EHBP1: variants seen among roughly 807,000 people sequenced by gnomAD.
EHBP1 encodes EH domain-binding protein 1.
EHBP1 carries 55 observed loss-of-function variants against 144.0 expected under a neutral mutation model. The ratio of observed to expected loss-of-function variants is 0.38; its 90% CI spans 0.31 to 0.48. The LOEUF (loss-of-function observed/expected upper bound fraction) is 0.48, where lower values mean the gene tolerates loss of function less well. EHBP1 is among the 20% of genes least tolerant of loss of function. The pLI is 0.98. For missense variants in EHBP1, 1,200 were observed against 1,364.2 expected, an observed-to-expected ratio of 0.88 and a Z score of 1.90; for synonymous variants, 469 against 472.7, an observed-to-expected ratio of 0.99 and a Z score of 0.10.
chr2:62,941,587 G>A (rs879258829), intron 10 of EHBP1, among the ~76,000 whole-genome samples: 6 of 152,088 alleles, frequency 3.9e-5, no homozygotes, highest in Non-Finnish European at 8.8e-5. Context: ...ATTATGTGGG[G>A]TTGATGATTT....
chr2:62,990,932 A>G, intron 16 of EHBP1, 92 bp downstream of exon 16: 2 of 1,448,282 alleles, frequency 1.4e-6, no homozygotes, highest in Non-Finnish European at 1.9e-6. Context: ...TTTTTTACCT[A>G]ATTTTTCACC....
intron 10 of EHBP1, among the ~76,000 whole-genome samples, chr2:62,942,271 T>A (rs553275151): frequency 1.3e-5 from 2 of 152,196 alleles, no homozygotes; most frequent in African/African-American, 4.8e-5. Context: ...AAACTAATGA[T>A]AATTTTAATC....
At chr2:62,910,261 A>T (rs1204871695) in intron 10 of EHBP1, among the ~76,000 whole-genome samples, 2 of 152,194 alleles carry the variant, frequency 1.3e-5, no homozygotes, top group East Asian at 1.9e-4. Context: ...CTCAGTTTAT[A>T]TAGTTTGTAC....
chr2:62,949,582 TC>T (rs1359016500), intron 13 of EHBP1, among the ~76,000 whole-genome samples: 3 of 152,188 alleles, frequency 2.0e-5, no homozygotes, highest in Non-Finnish European at 4.4e-5. Flanking sequence ...AAAACAATAT[TC>T]TACTATAAAA....
chr2:62,776,659 CT>C (rs2042073015), intron 5 of EHBP1, among the ~76,000 whole-genome samples: 1 of 152,086 alleles, frequency 6.6e-6, no homozygotes. Flanking sequence ...TTCTTTTTAT[CT>C]TTTGATTTAG....
chr2:62,762,360 T>C (rs1257190426), intron 3 of EHBP1, among the ~76,000 whole-genome samples: 1 of 152,210 alleles, frequency 6.6e-6, no homozygotes, highest in Admixed American at 6.5e-5. Context: ...TCCCTTGGTA[T>C]TATCTGTATT....
At chr2:62,820,710 GGTGT>G (rs374529607) in intron 5 of EHBP1, among the ~76,000 whole-genome samples, 1,040 of 88,612 alleles carry the variant, frequency 0.012, 18 homozygotes, top group African/African-American at 0.043. Context: ...TATTCCATTG[GGTGT>G]GTGTGTGTGT....
At chr2:62,908,040 C>T (rs1330519324) in intron 10 of EHBP1, among the ~76,000 whole-genome samples, 1 of 152,056 alleles carries the variant, frequency 6.6e-6, no homozygotes, top group East Asian at 1.9e-4. Flanking sequence ...TTCATTTCTT[C>T]TTTAAATGTT....
At chr2:62,851,666 T>C (rs529515829) in intron 7 of EHBP1, among the ~76,000 whole-genome samples, 1 of 152,326 alleles carries the variant, frequency 6.6e-6, no homozygotes, top group South Asian at 2.1e-4. Flanking sequence ...AAGTGGTTTT[T>C]TTTGGACATT....
chr2:62,770,731 A>T (rs927060904), intron 4 of EHBP1, among the ~76,000 whole-genome samples: 1 of 152,202 alleles, frequency 6.6e-6, no homozygotes, highest in African/African-American at 2.4e-5. Context: ...AGCACTATTC[A>T]CAGTAGCAAA....
intron 10 of EHBP1, among the ~76,000 whole-genome samples, chr2:62,920,092 C>G (rs927499264): frequency 1.3e-5 from 2 of 152,066 alleles, no homozygotes; most frequent in Non-Finnish European, 2.9e-5. Context: ...TAAAACTTCC[C>G]AAATTTCATG....
At chr2:63,021,284 G>A (rs897159005) in intron 19 of EHBP1, among the ~76,000 whole-genome samples, 19 of 151,958 alleles carry the variant, frequency 1.3e-4, no homozygotes, top group African/African-American at 4.6e-4. Context: ...ACTGGTTTAG[G>A]AATTTGACAT....
intron 1 of EHBP1, among the ~76,000 whole-genome samples, chr2:62,697,210 T>C (rs1026415903): frequency 8.5e-5 from 13 of 152,258 alleles, no homozygotes; most frequent in African/African-American, 2.9e-4. Flanking sequence ...TGTTGCCTTA[T>C]AGACATAACT....
At chr2:62,713,328 G>A (rs1316928590) in intron 2 of EHBP1, among the ~76,000 whole-genome samples, 1 of 149,560 alleles carries the variant, frequency 6.7e-6, no homozygotes, top group Non-Finnish European at 1.5e-5. Context: ...TGCAACCTCT[G>A]CCTCCTGGGT....
intron 10 of EHBP1, among the ~76,000 whole-genome samples, chr2:62,901,661 TAAAAAA>T: frequency 6.9e-6 from 1 of 144,528 alleles, no homozygotes; most frequent in East Asian, 2.0e-4. Flanking sequence ...ACACTTAGTT[TAAAAAA>T]AAAAAAGAAA....
rs1573137560 is a variant in EHBP1 at position 62,753,079 on chromosome 2, G to T, written c.162+5627G>T. 3.3e-5 allele frequency among the ~76,000 whole-genome samples: 5 copies of T among 152,294 alleles called. No individual in the cohort carries two copies. In the East Asian group the frequency reaches 7.7e-4, roughly 23 times the overall value. On this transcript the variant is annotated intron_variant, in intron 3 of 22. Transcript: ENST00000431489. Reference sequence around the variant, plus strand: ...CTGGTTATTTTGCTCGTTAGTTGATGCAGTTTCTTCCTAGCATCGATGGTC... The same window carrying T: ...CTGGTTATTTTGCTCGTTAGTTGATTCAGTTTCTTCCTAGCATCGATGGTC...
At chr2:62,870,606 C>T (rs2050383846) in intron 9 of EHBP1, among the ~76,000 whole-genome samples, 1 of 150,722 alleles carries the variant, frequency 6.6e-6, no homozygotes, top group Non-Finnish European at 1.5e-5. Context: ...ATCCCAGCTA[C>T]TCAGGAGGCT....
chr2:63,016,407 TG>T (rs747768018), intron 19 of EHBP1, among the ~76,000 whole-genome samples: 2 of 149,686 alleles, frequency 1.3e-5, no homozygotes, highest in East Asian at 2.0e-4. Flanking sequence ...TGTGGGGTTT[TG>T]GGGGGTTTTT....
chr2:62,811,019 T>G (rs1261474918), intron 5 of EHBP1, among the ~76,000 whole-genome samples: 1 of 152,234 alleles, frequency 6.6e-6, no homozygotes, highest in East Asian at 1.9e-4. Flanking sequence ...TGTATTTTAA[T>G]GTATATCTGT....
Sources: gnomAD v4.1 joint callset for allele counts (sites outside exome capture counted in the v4.1 genomes callset) on GRCh38, gnomAD v4.1.1 for gene constraint, MANE v1.5 for transcripts, NCBI Gene and HGNC (gene_info 2026-07-23, HGNC 2026-07-21) for gene names.